Variants in TSHZ3 observed in about 807,000 individuals in gnomAD.
TSHZ3 encodes the protein teashirt homolog 3.
TSHZ3 carries 10 observed loss-of-function variants against 64.5 expected under a neutral mutation model. The observed-to-expected ratio is 0.16, with a 90% CI of 0.10 to 0.26. The LOEUF is 0.26. TSHZ3 is among the 10% of genes least tolerant of loss of function. The probability of loss-of-function intolerance (pLI) is 1.00; values close to 1 mark genes in which losing one functional copy is unlikely to be tolerated. For missense variants in TSHZ3, 1,242 were observed against 1,421.7 expected (o/e 0.87, Z 2.03); for synonymous variants, 608 against 593.1 (o/e 1.03, Z -0.36).
chr19:31,230,690 T>C (rs752155601), intron 3 of TSHZ3, among the ~76,000 whole-genome samples: 3 of 144,146 alleles, frequency 2.1e-5, no homozygotes, highest in South Asian at 2.2e-4. Flanking sequence ...TTCCCATCAC[T>C]GCTTTTTTTT....
intron 3 of TSHZ3, among the ~76,000 whole-genome samples, chr19:31,240,700 A>AT (rs202187368): frequency 1.3e-5 from 2 of 151,962 alleles, no homozygotes; most frequent in Non-Finnish European, 2.9e-5. Context: ...GGTTCTGTTT[A>AT]TTTTTTTTAA....
intron 5 of TSHZ3, among the ~76,000 whole-genome samples, chr19:31,187,239 CAG>C (rs1244084186): frequency 2.0e-5 from 3 of 152,098 alleles, no homozygotes; most frequent in Non-Finnish European, 4.4e-5. Context: ...AATAAATAAA[CAG>C]AACACCATAT....
In TSHZ3 at chr19:31,276,990, T is replaced by C; in HGVS notation, c.2803A>G (p.Ile935Val). Residue 935 changes from isoleucine to valine, a missense_variant, in exon 2 of 2, where the codon ATC becomes GTC. Ile to Val is a conservative substitution (Grantham distance 29, BLOSUM62 3). Around this residue, in one of 4 missense-constraint regions of TSHZ3, gnomAD observed 550 missense variants for 545.1 expected, o/e 1.01. Coordinates refer to ENST00000240587, the MANE Select transcript of TSHZ3 (RefSeq NM_020856.4). ...SDLSPQERMH[I>V]SRFTGLSMTT... ...ATGGACAGCCCGGTGAACCTGGAGA[T>C]ATGCATCCGCTCCTGGGGGCTCAGG... The C allele has an allele frequency of 6.2e-7, 1 of 1,613,336 alleles. No homozygotes were observed. The highest frequency in any genetic ancestry group is 8.5e-7 in the Non-Finnish European group (1 of 1,179,368).
intron 4 of TSHZ3, among the ~76,000 whole-genome samples, chr19:31,218,203 C>T (rs993359531): frequency 4.2e-4 from 64 of 152,218 alleles, no homozygotes; most frequent in African/African-American, 1.5e-3. Context: ...ACTCAACAAT[C>T]ACAGAATAAA....
intron 6 of TSHZ3, among the ~76,000 whole-genome samples, chr19:31,153,101 T>C (rs1974261535): frequency 6.6e-6 from 1 of 152,218 alleles, no homozygotes; most frequent in Non-Finnish European, 1.5e-5. Flanking sequence ...GATCAGGAAC[T>C]CTGGTTAGAA....
intron 1 of TSHZ3, among the ~76,000 whole-genome samples, chr19:31,262,655 C>G (rs1975995404): frequency 6.6e-6 from 1 of 152,086 alleles, no homozygotes; most frequent in Admixed American, 6.6e-5. Flanking sequence ...TTTAAATAAT[C>G]TATATCCTCA....
At chr19:31,176,060 G>A (rs937882892) in intron 5 of TSHZ3, among the ~76,000 whole-genome samples, 2 of 152,246 alleles carry the variant, frequency 1.3e-5, no homozygotes, top group Admixed American at 6.5e-5. Context: ...GTGGGCTGAA[G>A]GAGGAGGAAG....
At chr19:31,349,844 A>T (rs2021655455), upstream of TSHZ3, among the ~76,000 whole-genome samples, 1 of 146,850 alleles carries the variant, frequency 6.8e-6, no homozygotes, top group Non-Finnish European at 1.5e-5. Context: ...CGTCGGCAAC[A>T]GGCAAGCTTA....
At chr19:31,187,131 C>A (rs1974823988) in intron 5 of TSHZ3, among the ~76,000 whole-genome samples, 1 of 152,064 alleles carries the variant, frequency 6.6e-6, no homozygotes, top group African/African-American at 2.4e-5. Flanking sequence ...TTTGTGTCAC[C>A]CCAAATGACT....
chr19:31,241,511 C>T (rs1975688866), intron 3 of TSHZ3, among the ~76,000 whole-genome samples: 1 of 152,194 alleles, frequency 6.6e-6, no homozygotes, highest in South Asian at 2.1e-4. Context: ...TTTCAATCTC[C>T]CAACAGCTTA....
chr19:31,279,625 G>A lies in TSHZ3; in HGVS notation c.168C>T (p.Cys56=), dbSNP rs1443140120. The A allele has an allele frequency of 6.2e-7, 1 of 1,611,662 alleles. No individual in the cohort carries two copies. The highest frequency in any genetic ancestry group is 8.5e-7 in the Non-Finnish European group (1 of 1,178,754). The stretch of plus-strand genomic sequence containing the variant: ...CGGCCGGGGAGTTCTGGTAGCTGGG[G>A]CAGGCCCTGGCGAGCTCCTTCTCCG... ...MCPEKELARA[C]PSYQNSPAAE... is the part of the protein sequence containing the mutation. The change falls in exon 2 of 2, where the codon TGC becomes TGT. Residue 56 remains cysteine, a synonymous_variant. Transcript: ENST00000240587. This position sits in a 1 kb window ranked among gnomAD's most constrained non-coding sequence, Gnocchi z 6.4.
intron 1 of TSHZ3, among the ~76,000 whole-genome samples, chr19:31,264,864 C>T (rs1213143356): frequency 6.6e-6 from 1 of 152,154 alleles, no homozygotes. Flanking sequence ...GTTCCTCTTT[C>T]TAGTAAATTC....
intron 5 of TSHZ3, among the ~76,000 whole-genome samples, chr19:31,178,398 G>A (rs1306593287): frequency 1.3e-5 from 2 of 152,196 alleles, no homozygotes; most frequent in Non-Finnish European, 2.9e-5. Flanking sequence ...TTGGCATAAA[G>A]AAGGTGCTAT....
rs547917199 is a variant in TSHZ3 at position 31,176,358 on chromosome 19, A to T, written n.810-19941T>A. 2.0e-5 allele frequency among the ~76,000 whole-genome samples: 3 copies of T among 152,340 alleles called. No individual in the cohort carries two copies. In the East Asian group the frequency reaches 5.8e-4, roughly 29 times the overall value. On this transcript the variant is annotated intron_variant and non_coding_transcript_variant, in intron 5 of 6. Coordinates refer to the TSHZ3 transcript ENST00000651361. The stretch of plus-strand genomic sequence containing the variant: ...ATTTTGGAATATATAGTTGGAAGAG[A>T]ACTCAGATGAGTCAGTGAGAAGTGA...
intron 1 of TSHZ3, among the ~76,000 whole-genome samples, chr19:31,243,122 C>A (rs1238524018): frequency 1.3e-5 from 2 of 152,196 alleles, no homozygotes; most frequent in Non-Finnish European, 2.9e-5. Context: ...CCCTCCTAAA[C>A]CAACCTGTCT....
chr19:31,156,279 A>G (rs1379382411), intron 6 of TSHZ3, among the ~76,000 whole-genome samples: 1 of 152,234 alleles, frequency 6.6e-6, no homozygotes, highest in Non-Finnish European at 1.5e-5. Context: ...AATATTGTTA[A>G]CTGAAAGAAC....
chr19:31,324,110 G>C (rs1038913438), intron 1 of TSHZ3, among the ~76,000 whole-genome samples: 2 of 152,142 alleles, frequency 1.3e-5, no homozygotes, highest in African/African-American at 4.8e-5. Flanking sequence ...GCACAGCCAA[G>C]CCCTCAAGGC....
At chr19:31,337,437 A>C (rs1274871030) in intron 1 of TSHZ3, among the ~76,000 whole-genome samples, 1 of 152,216 alleles carries the variant, frequency 6.6e-6, no homozygotes, top group Non-Finnish European at 1.5e-5. Flanking sequence ...TTTGTATCAA[A>C]GGTGTTTACA....
At chr19:31,200,828 G>A (rs1473208012) in intron 5 of TSHZ3, among the ~76,000 whole-genome samples, 1 of 152,104 alleles carries the variant, frequency 6.6e-6, no homozygotes, top group African/African-American at 2.4e-5. Flanking sequence ...ATGTGTGTGG[G>A]AAGGGGGGTG....
Sources: gnomAD v4.1 joint callset for allele counts (sites outside exome capture counted in the v4.1 genomes callset) on GRCh38, gnomAD v4.1.1 for gene constraint, gnomAD v4.1.1 regional missense constraint, Gnocchi (gnomAD v3.1) non-coding constraint, MANE v1.5 for transcripts, NCBI Gene and HGNC (gene_info 2026-07-23, HGNC 2026-07-21) for gene names.